The following PI4KA variants were observed in gnomAD, a reference collection of about 807,000 sequenced individuals.
PI4KA encodes phosphatidylinositol 4-kinase alpha, also known as PI4-kinase alpha.
PI4KA carries 122 observed loss-of-function variants against 271.4 expected under a neutral mutation model. The observed-to-expected ratio is 0.45, with a 90% CI of 0.39 to 0.52. The LOEUF is 0.52. Ranked by LOEUF, PI4KA falls within the 20% of genes least tolerant of loss-of-function variation. The pLI is 0.00. For synonymous variants in PI4KA, 1,041 were observed against 1,078.8 expected (o/e 0.96, Z 0.69); for missense variants, 1,969 against 2,769.1 (o/e 0.71, Z 6.48).
intron 19 of PI4KA, among the ~76,000 whole-genome samples, chr22:20,771,401 C>A (rs1269265560): frequency 1.4e-5 from 2 of 147,162 alleles, no homozygotes; most frequent in Non-Finnish European, 3.0e-5. Context: ...CCAGCCTGGG[C>A]GACAGAGCGA....
At chr22:20,716,434 C>A (rs1354864149) in intron 45 of PI4KA, among the ~76,000 whole-genome samples, 2 of 152,118 alleles carry the variant, frequency 1.3e-5, no homozygotes, top group Admixed American at 6.5e-5. Context: ...CAAGGAACTG[C>A]CAGTCCCCAA....
chr22:20,779,123 T>C, intron 19 of PI4KA: 1 of 1,437,964 alleles, frequency 7.0e-7, no homozygotes, highest in South Asian at 1.3e-5. Flanking sequence ...CATCAAAGGT[T>C]GGGTGTCTAT....
chr22:20,757,237 GA>G (rs1028843729), intron 23 of PI4KA, among the ~76,000 whole-genome samples: 1 of 152,146 alleles, frequency 6.6e-6, no homozygotes, highest in Non-Finnish European at 1.5e-5. Context: ...TGTTTTAGAG[GA>G]AAAATATAAG....
intron 32 of PI4KA, among the ~76,000 whole-genome samples, chr22:20,741,040 T>C (rs188659286): frequency 3.3e-5 from 5 of 152,366 alleles, no homozygotes; most frequent in Non-Finnish European, 2.9e-5. Context: ...TAACAAAGCC[T>C]TGTCTTAATT....
chr22:20,770,636 T>A (rs1029474886), intron 19 of PI4KA, among the ~76,000 whole-genome samples: 10 of 129,858 alleles, frequency 7.7e-5, no homozygotes, highest in Non-Finnish European at 1.5e-4. Context: ...ACACACAAGC[T>A]GGACACAGAG....
At chr22:20,858,451 T>A (rs1927925086) in intron 1 of PI4KA, 119 bp downstream of exon 1, 2 of 661,294 alleles carry the variant, frequency 3.0e-6, no homozygotes, top group Non-Finnish European at 2.1e-6. Context: ...AGGCGCCCCC[T>A]CCCGCACAGG....
chr22:20,827,404 A>G (rs1923562092), intron 3 of PI4KA, among the ~76,000 whole-genome samples: 1 of 151,964 alleles, frequency 6.6e-6, no homozygotes. Flanking sequence ...CTATTTGTCT[A>G]TGTGCTATTT....
chr22:20,852,032 G>A (rs1927046138), intron 1 of PI4KA, among the ~76,000 whole-genome samples: 2 of 152,202 alleles, frequency 1.3e-5, no homozygotes, highest in Admixed American at 1.3e-4. Context: ...GCTGAAGCAG[G>A]AGAATGGCAT....
chr22:20,738,741 A>G (rs1929028399), intron 32 of PI4KA, among the ~76,000 whole-genome samples: 1 of 152,188 alleles, frequency 6.6e-6, no homozygotes, highest in East Asian at 1.9e-4. Context: ...CTGGACTCCA[A>G]AAGACCCCAA....
chr22:20,843,107 A>AAG (rs1400640057), intron 1 of PI4KA, among the ~76,000 whole-genome samples: 1 of 151,966 alleles, frequency 6.6e-6, no homozygotes, highest in Admixed American at 6.6e-5. Context: ...CAAAAAAAAA[A>AAG]AAAAAAAATT....
At chr22:20,765,524 G>T in intron 20 of PI4KA, 61 bp downstream of exon 20, 2 of 1,139,176 alleles carry the variant, frequency 1.8e-6, no homozygotes, top group Non-Finnish European at 2.7e-6. Flanking sequence ...CGTGGGCTCT[G>T]ACCTCACCTT....
At chr22:20,746,071 T>A (rs1209606066) in intron 29 of PI4KA, among the ~76,000 whole-genome samples, 1 of 142,708 alleles carries the variant, frequency 7.0e-6, no homozygotes, top group East Asian at 2.0e-4. Context: ...ATTTTTTTTT[T>A]TTTTTTTTTG....
At chr22:20,742,411 A>T in intron 31 of PI4KA, 56 bp from the exon 32 acceptor site, 1 of 1,594,730 alleles carries the variant, frequency 6.3e-7, no homozygotes, top group Non-Finnish European at 8.6e-7. Context: ...ACCCCAAAAC[A>T]GCTTCCCTGG....
rs1328947583 is a variant in PI4KA at position 20,858,671 on chromosome 22, AGCC to A, written c.52_54del (p.Gly18del). 24 of 1,469,706 alleles carry A rather than the reference AGCC, an allele frequency of 1.6e-5. No individual in the cohort carries two copies. Among genetic ancestry groups the A allele is most frequent in the South Asian group, 3.9e-5 (3 of 77,860 alleles). 91.0% of individuals were successfully genotyped at this position (1,469,706 alleles called of 1,614,324 possible). ...GAGGCGCTGGAGCCGGAGCCGGAGC[AGCC>A]GCCGCCGCCTCCGCCTCCGCCTCCG... On this transcript the variant is annotated inframe_deletion, in exon 1 of 55. Coordinates refer to ENST00000255882, the MANE Select transcript of PI4KA (RefSeq NM_058004.4).
At chr22:20,767,704 A>T (rs917664904) in intron 19 of PI4KA, among the ~76,000 whole-genome samples, 1 of 151,566 alleles carries the variant, frequency 6.6e-6, no homozygotes, top group Non-Finnish European at 1.5e-5. Flanking sequence ...GCACAACCTC[A>T]GCTCACTGCA....
intron 2 of PI4KA, 50 bp from the exon 3 acceptor site, chr22:20,834,705 T>C (rs768818199): frequency 5.7e-6 from 7 of 1,223,254 alleles, no homozygotes; most frequent in Admixed American, 3.5e-5. Flanking sequence ...AAATAAGTGA[T>C]TGGCAGCTTT....
At chr22:20,770,571 T>TGGACAC (rs1555890453) in intron 19 of PI4KA, among the ~76,000 whole-genome samples, 1 of 99,558 alleles carries the variant, frequency 1.0e-5, no homozygotes. Flanking sequence ...TTGCCCAAGC[T>TGGACAC]GGACACGGAC....
rs1188359767 is a variant in PI4KA at position 20,747,716 on chromosome 22, A to C, written c.3244-14T>G. ...GTTCAGATATTCCTGAAATAGGAAA[A>C]ACACATGGGGTTTCAGTTATTTATC... On this transcript the variant is annotated splice_polypyrimidine_tract_variant and intron_variant, in intron 28 of 54. Coordinates refer to ENST00000255882, the MANE Select transcript of PI4KA (RefSeq NM_058004.4). The C allele has an allele frequency of 1.2e-6, 2 of 1,611,642 alleles. No individual in the cohort carries two copies.
chr22:20,750,117 T>G, intron 27 of PI4KA, 123 bp from the exon 28 acceptor site: 2 of 656,582 alleles, frequency 3.0e-6, no homozygotes, highest in Non-Finnish European at 5.6e-6. Context: ...CTGGTACCAG[T>G]ACCTCAGAGT....
Sources: gnomAD v4.1 joint callset for allele counts (sites outside exome capture counted in the v4.1 genomes callset) on GRCh38, gnomAD v4.1.1 for gene constraint, MANE v1.5 for transcripts, NCBI Gene and HGNC (gene_info 2026-07-23, HGNC 2026-07-21) for gene names.